The following PKNOX1 variants were observed in gnomAD, a reference collection of about 807,000 sequenced individuals.
The protein encoded by PKNOX1 is homeobox protein PKNOX1.
PKNOX1 carries 15 observed loss-of-function variants against 51.9 expected under a neutral mutation model. The ratio of observed to expected loss-of-function variants is 0.29; its 90% CI spans 0.19 to 0.45. The LOEUF (loss-of-function observed/expected upper bound fraction) is 0.45, where lower values mean the gene tolerates loss of function less well. Among genes scored for constraint, PKNOX1 ranks in the 20% least tolerant of loss-of-function variants. The pLI, the probability that PKNOX1 is intolerant of heterozygous loss-of-function variation, is 1.00. For synonymous variants in PKNOX1, 219 were observed against 211.1 expected (o/e 1.04, Z -0.32); for missense variants, 462 against 547.5 (o/e 0.84, Z 1.56).
intron 1 of PKNOX1, among the ~76,000 whole-genome samples, chr21:42,984,192 A>G (rs2059040428): frequency 6.6e-6 from 1 of 152,082 alleles, no homozygotes; most frequent in Admixed American, 6.6e-5. Flanking sequence ...CTCCTGCCTC[A>G]GCCTCCCAAG....
At position 43,021,196 on chromosome 21, in the gene PKNOX1, A is replaced by G. The variant is rs534273299; in HGVS notation, c.721-107A>G. On this transcript the variant is annotated intron_variant, in intron 7 of 10. Transcript: ENST00000291547. This position sits in a 1 kb window ranked among gnomAD's most constrained non-coding sequence, Gnocchi z 4.6. ...TTCCCGTGCATGGGCCTCGACTACA[A>G]TCATTTCCCTGTCCGATCCTTGGCT... 29 of 916,444 alleles carry G rather than the reference A, an allele frequency of 3.2e-5. No individual in the cohort carries two copies. The South Asian group carries it at 3.8e-4, about 12-fold the overall frequency. 56.8% of individuals were successfully genotyped at this position (916,444 alleles called of 1,614,324 possible). A position where few individuals can be genotyped will look rare whatever the true frequency, so the allele number is the denominator to read the frequency against.
At position 43,021,688 on chromosome 21, in the gene PKNOX1, G is replaced by T. The variant is rs558695220; in HGVS notation, c.849+257G>T. Among the ~76,000 whole-genome samples the T allele has an allele frequency of 2.6e-5, 4 of 152,354 alleles. No individual in the cohort carries two copies. In the East Asian group the frequency reaches 7.7e-4, roughly 29 times the overall value. On this transcript the variant is annotated intron_variant, in intron 8 of 10. Transcript: ENST00000291547. The surrounding 1 kb of genome is among the most constrained non-coding windows in gnomAD (Gnocchi z 4.6). ...GTGTCCGAGACAGCCCACCACGAAGGGTGATGGGGTCAGGTGAGCCAGAAA... is the reference window on the plus strand; with the variant it reads ...GTGTCCGAGACAGCCCACCACGAAGTGTGATGGGGTCAGGTGAGCCAGAAA...
intron 8 of PKNOX1, among the ~76,000 whole-genome samples, chr21:43,023,739 C>G (rs1172657183): frequency 6.6e-6 from 1 of 151,902 alleles, no homozygotes; most frequent in Non-Finnish European, 1.5e-5. Context: ...CTCAGCCTCC[C>G]GAATAGCTGG....
intron 5 of PKNOX1, among the ~76,000 whole-genome samples, chr21:43,015,567 G>A (rs1008860889): frequency 2.6e-5 from 4 of 151,978 alleles, no homozygotes; most frequent in Non-Finnish European, 4.4e-5. Context: ...CTTTGGTTTT[G>A]GTATCAAAAT....
Position 42,993,073 on chromosome 21 carries a change from G to A in PKNOX1, c.-56-11253G>A, listed in dbSNP as rs191413501. On this transcript the variant is annotated intron_variant, in intron 1 of 10. Coordinates refer to ENST00000291547, the MANE Select transcript of PKNOX1 (RefSeq NM_004571.5). ...CCTTTTCTAACCCAGCTCTGGAGTC[G>A]CACACCATCATTTCCACTGCATTCT... 5.3e-5 allele frequency among the ~76,000 whole-genome samples: 8 copies of A among 152,166 alleles called. No individual in the cohort carries two copies. The East Asian group carries it at 1.5e-3, about 29-fold the overall frequency.
chr21:42,975,721 TGAG>T (rs2058992820), intron 1 of PKNOX1, among the ~76,000 whole-genome samples: 2 of 152,162 alleles, frequency 1.3e-5, no homozygotes, highest in Admixed American at 6.5e-5. Context: ...CAGGCCAGGC[TGAG>T]CGCCACGGCG....
chr21:43,013,261 C>G, intron 5 of PKNOX1, 23 bp downstream of exon 5: 1 of 1,532,454 alleles, frequency 6.5e-7, no homozygotes, highest in Non-Finnish European at 8.8e-7. Flanking sequence ...GGGGGTCTCG[C>G]TTTCCCTCTC....
chr21:43,026,874 A>G (rs1218541733), intron 9 of PKNOX1, among the ~76,000 whole-genome samples: 1 of 152,162 alleles, frequency 6.6e-6, no homozygotes, highest in South Asian at 2.1e-4. Flanking sequence ...GTTCCTCTAA[A>G]TGAAGCATGG....
chr21:42,974,843 G>GA (rs2058983657), intron 1 of PKNOX1, among the ~76,000 whole-genome samples, 179 bp downstream of exon 1: 1 of 148,860 alleles, frequency 6.7e-6, no homozygotes, highest in Non-Finnish European at 1.5e-5. Flanking sequence ...GGGCGGGGAG[G>GA]GGGCGCGGGT....
chr21:42,976,101 C>G (rs1384811920), intron 1 of PKNOX1, among the ~76,000 whole-genome samples: 1 of 152,174 alleles, frequency 6.6e-6, no homozygotes, highest in Non-Finnish European at 1.5e-5. Flanking sequence ...AGGCGTACCT[C>G]AGATAATTCG....
At chr21:42,975,610 G>A (rs1321572791) in intron 1 of PKNOX1, among the ~76,000 whole-genome samples, 1 of 152,222 alleles carries the variant, frequency 6.6e-6, no homozygotes. Flanking sequence ...TTGGACAGTG[G>A]CTCTGCGACG....
At chr21:42,996,112 G>T (rs1978493210) in intron 1 of PKNOX1, among the ~76,000 whole-genome samples, 1 of 152,118 alleles carries the variant, frequency 6.6e-6, no homozygotes, top group South Asian at 2.1e-4. Flanking sequence ...CTCCGTGGGA[G>T]GCTGAGGCAG....
Position 43,021,549 on chromosome 21 carries a change from A to G in PKNOX1, c.849+118A>G, listed in dbSNP as rs546768652. The G allele has an allele frequency of 1.3e-3, 1,554 of 1,239,380 alleles. 13 individuals are homozygous for G. The African/African-American group carries it at 0.019, about 15-fold the overall frequency. The allele number at this position is 1,239,380 out of a possible 1,614,324, so 76.8% of individuals were successfully genotyped here. ...TCAGAAAATCAAAGGCCTGACTTTCAGGACTTTGTGGCATGTCCATAATGT... is the reference window on the plus strand; with the variant it reads ...TCAGAAAATCAAAGGCCTGACTTTCGGGACTTTGTGGCATGTCCATAATGT... On this transcript the variant is annotated intron_variant, in intron 8 of 10. Transcript: ENST00000291547. This position sits in a 1 kb window ranked among gnomAD's most constrained non-coding sequence, Gnocchi z 4.6.
intron 8 of PKNOX1, among the ~76,000 whole-genome samples, chr21:43,023,569 A>G (rs1308354780): frequency 6.6e-6 from 1 of 151,942 alleles, no homozygotes; most frequent in Non-Finnish European, 1.5e-5. Flanking sequence ...ATTATTTACC[A>G]TAGCTAGAAA....
At chr21:43,019,254 G>A (rs889696667) in intron 7 of PKNOX1, among the ~76,000 whole-genome samples, 3 of 148,600 alleles carry the variant, frequency 2.0e-5, no homozygotes, top group African/African-American at 7.4e-5. Context: ...TTAGCTGGAT[G>A]TCGGGTGCAT....
intron 1 of PKNOX1, among the ~76,000 whole-genome samples, chr21:42,999,426 C>T (rs767637027): frequency 6.6e-6 from 1 of 152,174 alleles, no homozygotes; most frequent in Non-Finnish European, 1.5e-5. Flanking sequence ...CTCCTCATTA[C>T]TTATGCAAAT....
intron 5 of PKNOX1, among the ~76,000 whole-genome samples, chr21:43,016,019 A>G (rs1475346383): frequency 1.3e-5 from 2 of 152,122 alleles, no homozygotes; most frequent in Non-Finnish European, 2.9e-5. Context: ...GATTGATTTG[A>G]CTAGCTTAAC....
intron 5 of PKNOX1, among the ~76,000 whole-genome samples, chr21:43,013,625 A>G (rs1228354333): frequency 6.6e-6 from 1 of 152,178 alleles, no homozygotes; most frequent in African/African-American, 2.4e-5. Flanking sequence ...TTGGGCAACC[A>G]TCAACACCAT....
chr21:43,013,513 C>T (rs1012099673), intron 5 of PKNOX1, among the ~76,000 whole-genome samples: 1 of 152,154 alleles, frequency 6.6e-6, no homozygotes, highest in East Asian at 1.9e-4. Flanking sequence ...AAATATTTTA[C>T]TTATTCTTTT....
Sources: gnomAD v4.1 joint callset for allele counts (sites outside exome capture counted in the v4.1 genomes callset) on GRCh38, gnomAD v4.1.1 for gene constraint, Gnocchi (gnomAD v3.1) non-coding constraint, MANE v1.5 for transcripts, NCBI Gene and HGNC (gene_info 2026-07-23, HGNC 2026-07-21) for gene names.